XKR6: variants seen among roughly 807,000 people sequenced by gnomAD.
XKR6 encodes the protein XK related 6, also known as XK-related protein 6.
A neutral mutation model predicts 56.7 loss-of-function variants in XKR6; 22 were observed. The observed-to-expected ratio is 0.39, with a 90% CI of 0.28 to 0.55. The LOEUF (loss-of-function observed/expected upper bound fraction) is 0.55, where lower values mean the gene tolerates loss of function less well. Among genes scored for constraint, XKR6 ranks in the 20% least tolerant of loss-of-function variants. The pLI is 0.66. For synonymous variants in XKR6, 524 were observed against 387.8 expected (o/e 1.35, Z -4.13); for missense variants, 852 against 889.0 (o/e 0.96, Z 0.53).
intron 1 of XKR6, among the ~76,000 whole-genome samples, chr8:11,120,011 A>C (rs1037728024): frequency 6.6e-6 from 1 of 152,222 alleles, no homozygotes; most frequent in African/African-American, 2.4e-5. Flanking sequence ...ACTCTCAATA[A>C]ATTAGGTATT....
intron 1 of XKR6, among the ~76,000 whole-genome samples, chr8:10,994,086 C>A (rs1480970371): frequency 3.3e-5 from 5 of 152,196 alleles, no homozygotes; most frequent in African/African-American, 1.2e-4. Context: ...CTTGCCACCC[C>A]CTGAACATGG....
In XKR6 at chr8:11,129,618, A is replaced by G. The variant is rs183459898; in HGVS notation, c.764+70958T>C. Among the ~76,000 whole-genome samples, 3 of 152,364 alleles carry G rather than the reference A, an allele frequency of 2.0e-5. No homozygotes were observed. The East Asian group carries it at 5.8e-4, about 29-fold the overall frequency. On this transcript the variant is annotated intron_variant, in intron 1 of 2. Transcript: ENST00000416569. ...ATGCGCTGTTAAGAAGACGTTTCTT[A>G]AAAGATTATATACACTTAGTGTCAG...
intron 1 of XKR6, among the ~76,000 whole-genome samples, chr8:10,988,959 C>A (rs117682469): frequency 6.6e-6 from 1 of 152,220 alleles, no homozygotes; most frequent in East Asian, 1.9e-4. Context: ...AGGACAGTAT[C>A]CTGGACACAT....
intron 1 of XKR6, among the ~76,000 whole-genome samples, chr8:11,021,022 C>G (rs1798738147): frequency 6.6e-6 from 1 of 152,168 alleles, no homozygotes; most frequent in African/African-American, 2.4e-5. Context: ...TCAGGCTCAC[C>G]TTTTACAAAG....
intron 1 of XKR6, among the ~76,000 whole-genome samples, chr8:11,056,776 T>A (rs1460021120): frequency 6.6e-6 from 1 of 152,206 alleles, no homozygotes; most frequent in Non-Finnish European, 1.5e-5. Context: ...TGAGCCCTTT[T>A]CCATGTCTTG....
intron 1 of XKR6, among the ~76,000 whole-genome samples, chr8:10,971,948 G>T (rs899900549): frequency 4.0e-5 from 6 of 151,678 alleles, no homozygotes; most frequent in African/African-American, 1.2e-4. Flanking sequence ...TTCCAAAAAT[G>T]GATTTTTTAG....
chr8:10,915,484 T>C (rs567836843), intron 2 of XKR6, among the ~76,000 whole-genome samples: 7 of 149,930 alleles, frequency 4.7e-5, no homozygotes, highest in South Asian at 2.1e-4. Flanking sequence ...ATGAAACCCA[T>C]TGAGTTTGCC....
At chr8:10,911,066 A>C (rs1329034220) in intron 2 of XKR6, among the ~76,000 whole-genome samples, 1 of 152,180 alleles carries the variant, frequency 6.6e-6, no homozygotes, top group Non-Finnish European at 1.5e-5. Flanking sequence ...GGTTCCGTAC[A>C]AACAGCTGGC....
At chr8:11,142,495 T>C (rs952098187) in intron 1 of XKR6, among the ~76,000 whole-genome samples, 4 of 152,182 alleles carry the variant, frequency 2.6e-5, no homozygotes, top group Non-Finnish European at 5.9e-5. Flanking sequence ...GTTTGGATCA[T>C]GGGAGCAGAT....
intron 1 of XKR6, among the ~76,000 whole-genome samples, chr8:11,087,098 G>A (rs1046695782): frequency 4.6e-5 from 7 of 152,152 alleles, no homozygotes; most frequent in African/African-American, 1.7e-4. Context: ...ACTCTACTCT[G>A]TTTCTGGCTC....
intron 1 of XKR6, chr8:11,062,527 T>C: frequency 2.8e-6 from 1 of 355,874 alleles, no homozygotes; most frequent in Non-Finnish European, 5.5e-6. Flanking sequence ...CTCCTCTACC[T>C]GCCCGATCCA....
chr8:10,909,181 T>A (rs1254733809), intron 2 of XKR6, among the ~76,000 whole-genome samples: 1 of 139,846 alleles, frequency 7.2e-6, no homozygotes, highest in African/African-American at 2.7e-5. Context: ...AAAAAAAAAA[T>A]AGTTTGGCCT....
chr8:11,164,222 G>A (rs1022103940), intron 1 of XKR6, among the ~76,000 whole-genome samples: 19 of 152,214 alleles, frequency 1.2e-4, no homozygotes, highest in African/African-American at 3.9e-4. Context: ...AGTGCCTCAA[G>A]CAGAGCCCAC....
chr8:11,047,658 G>A (rs1187761087), intron 1 of XKR6, among the ~76,000 whole-genome samples: 1 of 152,214 alleles, frequency 6.6e-6, no homozygotes, highest in Non-Finnish European at 1.5e-5. Flanking sequence ...TGGAGACAGA[G>A]CTTCAGTTTG....
At chr8:11,135,715 T>C (rs1226108452) in intron 1 of XKR6, among the ~76,000 whole-genome samples, 4 of 144,070 alleles carry the variant, frequency 2.8e-5, no homozygotes, top group Non-Finnish European at 6.2e-5. Flanking sequence ...GAATTTCAAA[T>C]AAAAGGAGAA....
chr8:11,020,608 C>T (rs571578024), intron 1 of XKR6, among the ~76,000 whole-genome samples: 1 of 152,196 alleles, frequency 6.6e-6, no homozygotes, highest in Admixed American at 6.5e-5. Context: ...AAGAAGGGAA[C>T]ACCCCAGCCC....
At chr8:11,140,014 G>C (rs1039868440) in intron 1 of XKR6, among the ~76,000 whole-genome samples, 1 of 151,868 alleles carries the variant, frequency 6.6e-6, no homozygotes, top group Non-Finnish European at 1.5e-5. Context: ...TCTCTAGGAA[G>C]TACAAATAAA....
chr8:11,044,242 T>C (rs28570328), intron 1 of XKR6, among the ~76,000 whole-genome samples: 15,628 of 152,256 alleles, frequency 0.1, 910 homozygotes, highest in African/African-American at 0.16. Flanking sequence ...TGCATTTAAA[T>C]GTTAAGTCTC....
At chr8:11,187,944 G>A (rs953936110) in intron 1 of XKR6, among the ~76,000 whole-genome samples, 2 of 152,124 alleles carry the variant, frequency 1.3e-5, no homozygotes, top group African/African-American at 4.8e-5. Context: ...AAGCCTCCCT[G>A]TATTTTTACT....
Sources: gnomAD v4.1 joint callset for allele counts (sites outside exome capture counted in the v4.1 genomes callset) on GRCh38, gnomAD v4.1.1 for gene constraint, MANE v1.5 for transcripts, NCBI Gene and HGNC (gene_info 2026-07-23, HGNC 2026-07-21) for gene names.